SLC9A7: variants seen among roughly 807,000 people sequenced by gnomAD.
The protein encoded by SLC9A7 is solute carrier family 9 member A7.
A neutral mutation model predicts 52.6 loss-of-function variants in SLC9A7; 19 were observed. The ratio of observed to expected loss-of-function variants is 0.36; its 90% CI spans 0.25 to 0.53. SLC9A7 has a LOEUF of 0.53. Ranked by LOEUF, SLC9A7 falls within the 20% of genes least tolerant of loss-of-function variation. SLC9A7 has a pLI of 0.91. For missense variants in SLC9A7, 455 were observed against 597.9 expected (o/e 0.76, Z 2.49); for synonymous variants, 226 against 252.1 (o/e 0.90, Z 0.98).
intron 1 of SLC9A7, among the ~76,000 whole-genome samples, chrX:46,753,166 C>T (rs782537780): frequency 1.8e-5 from 2 of 111,791 alleles, no homozygotes; most frequent in South Asian, 7.4e-4. Context: ...CATTTTTTTG[C>T]TACATAAGTT....
In SLC9A7 at chrX:46,681,359, C is replaced by T. The variant is rs145291283; in HGVS notation, c.525+977G>A. 4.1e-3 allele frequency among the ~76,000 whole-genome samples: 461 copies of T among 112,058 alleles called. 2 individuals carry two copies. The highest frequency in any genetic ancestry group is 0.014 in the African/African-American group (428 of 30,864). On this transcript the variant is annotated intron_variant, in intron 2 of 16. Coordinates refer to ENST00000616978, the MANE Select transcript of SLC9A7 (RefSeq NM_001257291.2). The stretch of plus-strand genomic sequence containing the variant: ...TTACATTGGATTTCATTCTCAGTTG[C>T]GCTGAATTTCAGAATGTTTATGAAA...
chrX:46,691,260 C>T (rs769774878), intron 1 of SLC9A7, among the ~76,000 whole-genome samples: 2 of 112,215 alleles, frequency 1.8e-5, no homozygotes, highest in Non-Finnish European at 3.8e-5. Flanking sequence ...TTCCTACATG[C>T]TTGTTATCTT....
At position 46,728,713 on chromosome X, in the gene SLC9A7, T is replaced by C. The variant is rs780560530; in HGVS notation, c.325+29992A>G. Among the ~76,000 whole-genome samples, 4 of 112,294 alleles carry C rather than the reference T, an allele frequency of 3.6e-5. No individual in the cohort carries two copies. The South Asian group carries it at 1.5e-3, about 41-fold the overall frequency. On this transcript the variant is annotated intron_variant, in intron 1 of 16. Coordinates refer to ENST00000616978, the MANE Select transcript of SLC9A7 (RefSeq NM_001257291.2). Reference sequence around the variant, plus strand: ...CAAATGTTCATAGCAGCTTTATTTATAATACCTCATAACTGAAAACAACCC... The same window carrying C: ...CAAATGTTCATAGCAGCTTTATTTACAATACCTCATAACTGAAAACAACCC...
At chrX:46,617,104 T>A (rs1448492668) in intron 15 of SLC9A7, among the ~76,000 whole-genome samples, 2 of 111,876 alleles carry the variant, frequency 1.8e-5, no homozygotes, top group African/African-American at 3.2e-5. Context: ...AACTCTCCTC[T>A]TACATGTTTC....
In SLC9A7 at chrX:46,715,895, G is replaced by GT. The variant is rs758207060; in HGVS notation, c.326-33361dup. Reference sequence around the variant, plus strand: ...TGGGCTAAGCTATGATGTTTGGTAGGTAAGGTGCATTAAATGCATTTTCAA... The same window carrying GT: ...TGGGCTAAGCTATGATGTTTGGTAGGTTAAGGTGCATTAAATGCATTTTCAA... On this transcript the variant is annotated intron_variant, in intron 1 of 16. Coordinates refer to ENST00000616978, the MANE Select transcript of SLC9A7 (RefSeq NM_001257291.2). Among the ~76,000 whole-genome samples the GT allele has an allele frequency of 3.6e-5, 4 of 111,771 alleles. No individual in the cohort carries two copies. In the East Asian group the frequency reaches 1.1e-3, roughly 31 times the overall value.
intron 1 of SLC9A7, among the ~76,000 whole-genome samples, chrX:46,690,548 G>A: frequency 8.9e-6 from 1 of 111,800 alleles, no homozygotes; most frequent in South Asian, 3.7e-4. Flanking sequence ...TTTTCTACCA[G>A]ACTGTAGCTT....
At chrX:46,729,756 G>C (rs1029221712) in intron 1 of SLC9A7, among the ~76,000 whole-genome samples, 3 of 110,930 alleles carry the variant, frequency 2.7e-5, no homozygotes, top group African/African-American at 9.9e-5. Context: ...CTGGGAGACA[G>C]AGCGAGACTC....
chrX:46,730,418 G>C (rs1945009541), intron 1 of SLC9A7, among the ~76,000 whole-genome samples: 1 of 107,962 alleles, frequency 9.3e-6, no homozygotes, highest in Non-Finnish European at 1.9e-5. Context: ...CAGCACTTTG[G>C]GAGGCCAAGG....
intron 10 of SLC9A7, 108 bp downstream of exon 10, chrX:46,650,999 ATAT>A (rs2146777351): frequency 4.1e-6 from 1 of 242,034 alleles, no homozygotes; most frequent in African/African-American, 3.0e-5. Context: ...ATGATGGTTT[ATAT>A]TATTATATTA....
intron 1 of SLC9A7, among the ~76,000 whole-genome samples, chrX:46,700,962 A>C (rs1403276663): frequency 1.8e-5 from 2 of 111,583 alleles, no homozygotes; most frequent in Non-Finnish European, 3.8e-5. Flanking sequence ...TTGATCTTCC[A>C]AAGGAGACTT....
chrX:46,621,146 T>C (rs1198683411), intron 14 of SLC9A7, 87 bp from the exon 15 acceptor site: 14 of 546,700 alleles, frequency 2.6e-5, no homozygotes, highest in Non-Finnish European at 3.7e-5. Context: ...ATAACTTGTA[T>C]AGCTCTGGAG....
chrX:46,714,035 T>C (rs1199672165), intron 1 of SLC9A7, among the ~76,000 whole-genome samples: 1 of 111,221 alleles, frequency 9.0e-6, no homozygotes, highest in Non-Finnish European at 1.9e-5. Flanking sequence ...CTAAGTAATG[T>C]GCCCCAAACA....
chrX:46,655,268 A>C (rs1426888011), intron 7 of SLC9A7, among the ~76,000 whole-genome samples: 1 of 111,575 alleles, frequency 9.0e-6, no homozygotes, highest in African/African-American at 3.3e-5. Flanking sequence ...TACAGGTGTG[A>C]GCCACCACGC....
At chrX:46,653,798 C>A (rs955387104) in intron 7 of SLC9A7, 84 bp from the exon 8 acceptor site, 1 of 658,853 alleles carries the variant, frequency 1.5e-6, no homozygotes, top group Non-Finnish European at 2.3e-6. Flanking sequence ...AGGACCCCTC[C>A]CCAAAGGGCT....
chrX:46,705,155 CAG>C (rs1292750505), intron 1 of SLC9A7, among the ~76,000 whole-genome samples: 2 of 111,215 alleles, frequency 1.8e-5, no homozygotes, highest in Non-Finnish European at 3.8e-5. Context: ...CTAGCCCACA[CAG>C]GGGAGAAAGG....
At position 46,669,801 on chromosome X, in the gene SLC9A7, C is replaced by T. The variant is rs1469123189; in HGVS notation, c.681-82G>A. On this transcript the variant is annotated intron_variant, in intron 4 of 16. Coordinates refer to ENST00000616978, the MANE Select transcript of SLC9A7 (RefSeq NM_001257291.2). ...ACGCAAGCAGAATAGCACTAGAATG[C>T]TGCTCTTAGAGATTTATGAAAACAA... 4 of 426,102 alleles carry T rather than the reference C, an allele frequency of 9.4e-6. No homozygotes were observed. The East Asian group carries it at 1.7e-4, about 18-fold the overall frequency. 35.1% of individuals were successfully genotyped at this position (426,102 alleles called of 1,213,427 possible). A position where few individuals can be genotyped will look rare whatever the true frequency, so the allele number is the denominator to read the frequency against.
intron 1 of SLC9A7, among the ~76,000 whole-genome samples, chrX:46,747,292 CA>C (rs762908927): frequency 8.1e-5 from 9 of 111,693 alleles, no homozygotes; most frequent in Admixed American, 5.7e-4. Flanking sequence ...GGGAATAATG[CA>C]AATGTTTCTA....
At chrX:46,627,854 G>A (rs1350200683) in intron 14 of SLC9A7, among the ~76,000 whole-genome samples, 5 of 109,866 alleles carry the variant, frequency 4.6e-5, no homozygotes, top group Non-Finnish European at 9.5e-5. Flanking sequence ...AAAGATTTAG[G>A]TGACAGATTT....
At chrX:46,648,137 G>A (rs1943522522) in intron 11 of SLC9A7, among the ~76,000 whole-genome samples, 3 of 112,484 alleles carry the variant, frequency 2.7e-5, no homozygotes, top group African/African-American at 9.7e-5. Flanking sequence ...TGTCAATTAA[G>A]CAGGATGATC....
Sources: gnomAD v4.1 joint callset for allele counts (sites outside exome capture counted in the v4.1 genomes callset) on GRCh38, gnomAD v4.1.1 for gene constraint, MANE v1.5 for transcripts, NCBI Gene and HGNC (gene_info 2026-07-23, HGNC 2026-07-21) for gene names.